Variants in MALRD1 observed in about 807,000 individuals in gnomAD.
MALRD1 encodes the protein MAM and LDL-receptor class A domain-containing protein 1.
MALRD1 carries 247 observed loss-of-function variants against 242.1 expected under a neutral mutation model. That is an observed-to-expected ratio of 1.02 (90% CI 0.92 to 1.13). The LOEUF (loss-of-function observed/expected upper bound fraction) is 1.13. Among genes scored for constraint, MALRD1 ranks in the 50% most tolerant of loss-of-function variants. The probability of loss-of-function intolerance (pLI) is 0.00; values close to 1 mark genes in which losing one functional copy is unlikely to be tolerated. For synonymous variants in MALRD1, 995 were observed against 866.6 expected (o/e 1.15, Z -2.60); for missense variants, 2,989 against 2,533.1 (o/e 1.18, Z -3.86).
chr10:19,131,297 A>C (rs1316021441), intron 8 of MALRD1, among the ~76,000 whole-genome samples: 8 of 152,318 alleles, frequency 5.3e-5, no homozygotes, highest in African/African-American at 1.4e-4. Context: ...GCCAAGAAAT[A>C]TCTAGCAAGA....
intron 38 of MALRD1, among the ~76,000 whole-genome samples, chr10:19,692,849 A>C (rs1435263899): frequency 8.3e-6 from 1 of 121,100 alleles, no homozygotes; most frequent in Non-Finnish European, 1.6e-5. Flanking sequence ...TATATATGAA[A>C]TTTATATATA....
At position 19,607,823 on chromosome 10, in the gene MALRD1, C is replaced by T. The variant is rs1274387832; in HGVS notation, c.5991C>T (p.Asn1997=). Reference sequence around the variant, plus strand: ...GAGCTCTGGTGTGTGCCTCCTCCAACAGCTGTATCCCAGCCCACCAGCGCT... The same window carrying T: ...GAGCTCTGGTGTGTGCCTCCTCCAATAGCTGTATCCCAGCCCACCAGCGCT... ...SNGALVCASS[N]SCIPAHQRCD... The change falls in exon 35 of 40, where the codon AAC becomes AAT. Residue 1997 remains asparagine (N), a synonymous_variant. Transcript: ENST00000454679. The T allele has an allele frequency of 2.6e-6, 4 of 1,549,652 alleles. No individual in the cohort carries two copies. In the African/African-American group the frequency reaches 4.1e-5, roughly 16 times the overall value.
intron 28 of MALRD1, among the ~76,000 whole-genome samples, chr10:19,436,931 A>G (rs749127771): frequency 3.3e-5 from 5 of 152,126 alleles, no homozygotes; most frequent in African/African-American, 1.2e-4. Flanking sequence ...TTATCTTCCC[A>G]TACTCCTGGA....
intron 28 of MALRD1, among the ~76,000 whole-genome samples, chr10:19,398,727 G>A (rs189783546): frequency 6.6e-6 from 1 of 152,252 alleles, no homozygotes; most frequent in Admixed American, 6.5e-5. Context: ...TATCTTATGT[G>A]CTCAATGTTT....
intron 36 of MALRD1, among the ~76,000 whole-genome samples, chr10:19,685,966 G>A (rs2131806584): frequency 6.6e-6 from 1 of 152,214 alleles, no homozygotes; most frequent in East Asian, 1.9e-4. Flanking sequence ...TGGGTTGAGG[G>A]TCCAATTCTG....
chr10:19,298,905 C>T (rs975356012), intron 21 of MALRD1, among the ~76,000 whole-genome samples: 1 of 151,802 alleles, frequency 6.6e-6, no homozygotes, highest in Non-Finnish European at 1.5e-5. Context: ...AAATCCTTTG[C>T]GTAGTTCCAG....
rs553942713 is a variant in MALRD1, at chr10:19,627,759, TA to T, written c.6137+11855del. The stretch of plus-strand genomic sequence containing the variant: ...GCCTGGGCGACAGAGCAAGACTGTC[TA>T]AAAAAAAAAAAAAAAAAAGGAAAAA... On this transcript the variant is annotated intron_variant, in intron 36 of 39. Transcript: ENST00000454679. 9.0e-3 allele frequency among the ~76,000 whole-genome samples: 503 copies of T among 56,198 alleles called. 2 individuals are homozygous for T. The highest frequency in any genetic ancestry group is 0.041 in the East Asian group (98 of 2,378). 36.9% of individuals were successfully genotyped at this position (56,198 alleles called of 152,430 possible). A position where few individuals can be genotyped will look rare whatever the true frequency, so the allele number is the denominator to read the frequency against.
At chr10:19,244,644 CTT>C (rs935381181) in intron 18 of MALRD1, among the ~76,000 whole-genome samples, 2 of 152,232 alleles carry the variant, frequency 1.3e-5, no homozygotes, top group African/African-American at 4.8e-5. Flanking sequence ...AGGCTAATGA[CTT>C]TTAAAAAATG....
chr10:19,491,721 TTGA>T, intron 30 of MALRD1, 76 bp downstream of exon 30: 1 of 1,441,258 alleles, frequency 6.9e-7, no homozygotes, highest in Non-Finnish European at 9.3e-7. Flanking sequence ...GATATTGGTG[TTGA>T]TGATGGAGAA....
chr10:19,123,820 T>G (rs1837153524), intron 6 of MALRD1, among the ~76,000 whole-genome samples: 1 of 152,154 alleles, frequency 6.6e-6, no homozygotes. Context: ...CAATGTTTCT[T>G]CTATAAAATT....
chr10:19,359,325 A>G (rs1844786340), intron 26 of MALRD1, among the ~76,000 whole-genome samples: 1 of 152,170 alleles, frequency 6.6e-6, no homozygotes, highest in Non-Finnish European at 1.5e-5. Flanking sequence ...TTGGAAATAC[A>G]TATTGACATC....
intron 31 of MALRD1, among the ~76,000 whole-genome samples, chr10:19,507,010 A>G (rs59593697): frequency 0.068 from 10,279 of 152,024 alleles, 955 homozygotes; most frequent in African/African-American, 0.22. Context: ...GCTTGCTATT[A>G]TGACAGATGG....
chr10:19,404,231 G>A (rs1846990762), intron 28 of MALRD1, among the ~76,000 whole-genome samples: 1 of 152,044 alleles, frequency 6.6e-6, no homozygotes. Context: ...ATGGTTTGCA[G>A]TGATTTCAGA....
chr10:19,205,373 A>C, intron 17 of MALRD1, 108 bp downstream of exon 17: 5 of 1,283,310 alleles, frequency 3.9e-6, no homozygotes, highest in Non-Finnish European at 5.1e-6. Flanking sequence ...GCATAGCTCC[A>C]AAGCTGATGA....
At chr10:19,215,001 A>G (rs946171914) in intron 18 of MALRD1, among the ~76,000 whole-genome samples, 1 of 152,202 alleles carries the variant, frequency 6.6e-6, no homozygotes, top group Non-Finnish European at 1.5e-5. Context: ...CAAAGTCAAC[A>G]AGCAAAATGC....
rs1400226071 is a variant in MALRD1 at position 19,238,497 on chromosome 10, T to C, written c.2992-19187T>C. On this transcript the variant is annotated intron_variant, in intron 18 of 39. Coordinates refer to ENST00000454679, the MANE Select transcript of MALRD1 (RefSeq NM_001142308.3). ...TATAATATACATTATATATAATATATAATATAATATATAATGTATATTATA... is the reference window on the plus strand; with the variant it reads ...TATAATATACATTATATATAATATACAATATAATATATAATGTATATTATA... 7.2e-4 allele frequency among the ~76,000 whole-genome samples: 5 copies of C among 6,940 alleles called. No homozygotes were observed. The South Asian group carries it at 0.017, about 24-fold the overall frequency. The allele number at this position is 6,940 out of a possible 152,430, so 4.6% of individuals were successfully genotyped here.
intron 36 of MALRD1, among the ~76,000 whole-genome samples, chr10:19,635,294 A>G (rs1317066524): frequency 1.3e-5 from 2 of 152,206 alleles, no homozygotes; most frequent in Non-Finnish European, 1.5e-5. Context: ...GCAATTGGAA[A>G]ATATGCTCCT....
intron 36 of MALRD1, among the ~76,000 whole-genome samples, chr10:19,635,457 T>C (rs1247338042): frequency 3.3e-5 from 5 of 151,982 alleles, no homozygotes; most frequent in African/African-American, 1.2e-4. Flanking sequence ...TAAAAACTAG[T>C]CCCTGGAAAT....
intron 32 of MALRD1, among the ~76,000 whole-genome samples, chr10:19,549,359 T>C (rs1332120036): frequency 6.6e-6 from 1 of 152,228 alleles, no homozygotes; most frequent in Non-Finnish European, 1.5e-5. Flanking sequence ...TCAAATAGCA[T>C]CATTTGCTAC....
Sources: allele counts gnomAD v4.1 joint callset (sites outside exome capture counted in the v4.1 genomes callset), GRCh38; gene constraint gnomAD v4.1.1; transcripts MANE v1.5; gene names NCBI Gene and HGNC (gene_info 2026-07-23, HGNC 2026-07-21).